Variants in NXPH1 observed in about 807,000 individuals in gnomAD.
NXPH1 encodes neurexophilin-1.
A neutral mutation model predicts 23.7 loss-of-function variants in NXPH1; 5 were observed. The ratio of observed to expected loss-of-function variants is 0.21; its 90% confidence interval spans 0.11 to 0.44. The LOEUF (loss-of-function observed/expected upper bound fraction) is 0.44, where lower values mean the gene tolerates loss of function less well. NXPH1 is among the 20% of genes least tolerant of loss of function. The pLI, the probability that NXPH1 is intolerant of heterozygous loss-of-function variation, is 0.99. For synonymous variants in NXPH1, 144 were observed against 122.2 expected, an observed-to-expected ratio of 1.18 and a Z score of -1.18; for missense variants, 324 against 321.6, an observed-to-expected ratio of 1.01 and a Z score of -0.06.
At position 8,512,147 on chromosome 7, in the gene NXPH1, C is replaced by T. The variant is rs187339785; in HGVS notation, c.54+76380C>T. 2.6e-4 allele frequency among the ~76,000 whole-genome samples: 39 copies of T among 152,222 alleles called. No individual in the cohort carries two copies. In the East Asian group the frequency reaches 7.2e-3, roughly 28 times the overall value. ...AACCAGAGGGATTGCTGTGGCTCCT[C>T]TCCAAATACAGCATTAAAAGGAAGC... On this transcript the variant is annotated intron_variant, in intron 2 of 2. Coordinates refer to ENST00000405863, the MANE Select transcript of NXPH1 (RefSeq NM_152745.3).
chr7:8,487,286 C>T (rs1817174242), intron 2 of NXPH1, among the ~76,000 whole-genome samples: 1 of 152,112 alleles, frequency 6.6e-6, no homozygotes, highest in African/African-American at 2.4e-5. Flanking sequence ...AACTAAATCA[C>T]AGGGGTGGGT....
intron 2 of NXPH1, among the ~76,000 whole-genome samples, chr7:8,546,558 G>A (rs1818200187): frequency 6.6e-6 from 1 of 151,416 alleles, no homozygotes; most frequent in African/African-American, 2.4e-5. Context: ...TAGGTCTGGA[G>A]TAGAGCTTGT....
intron 2 of NXPH1, among the ~76,000 whole-genome samples, chr7:8,569,301 A>G (rs1818604438): frequency 6.6e-6 from 1 of 151,936 alleles, no homozygotes; most frequent in Non-Finnish European, 1.5e-5. Context: ...AAAAGAAACA[A>G]TATACATAAC....
chr7:8,566,294 T>C (rs975517643), intron 2 of NXPH1, among the ~76,000 whole-genome samples: 8 of 151,856 alleles, frequency 5.3e-5, no homozygotes, highest in African/African-American at 1.9e-4. Flanking sequence ...ATGAAATTGT[T>C]CCAAAATTAA....
chr7:8,444,953 G>A (rs1232553037), intron 2 of NXPH1, among the ~76,000 whole-genome samples: 1 of 152,144 alleles, frequency 6.6e-6, no homozygotes, highest in Non-Finnish European at 1.5e-5. Flanking sequence ...GATTACCTGA[G>A]TGTCTTTGTT....
intron 2 of NXPH1, among the ~76,000 whole-genome samples, chr7:8,456,565 C>T (rs999196587): frequency 6.6e-6 from 1 of 152,080 alleles, no homozygotes; most frequent in South Asian, 2.1e-4. Context: ...CCAGGCCAGA[C>T]ATGACATATC....
intron 2 of NXPH1, among the ~76,000 whole-genome samples, chr7:8,730,206 C>G (rs955707405): frequency 4.0e-5 from 6 of 149,394 alleles, no homozygotes; most frequent in Non-Finnish European, 6.0e-5. Context: ...GATCTGCCTC[C>G]ATCCTTTTAT....
intron 2 of NXPH1, among the ~76,000 whole-genome samples, chr7:8,482,670 G>A (rs1817094347): frequency 6.6e-6 from 1 of 152,140 alleles, no homozygotes; most frequent in Admixed American, 6.6e-5. Flanking sequence ...CATGGTCATT[G>A]ACTTCTTTCT....
rs114072873 is a variant in NXPH1, at chr7:8,480,618, C to G, written c.54+44851C>G. ...TGGACTAAACCACTGCCCTAAGTGGCTTAGTCATGCCTTAACACTCCCTGA... is the reference window on the plus strand; with the variant it reads ...TGGACTAAACCACTGCCCTAAGTGGGTTAGTCATGCCTTAACACTCCCTGA... On this transcript the variant is annotated intron_variant, in intron 2 of 2. Transcript: ENST00000405863. 5.8e-3 allele frequency among the ~76,000 whole-genome samples: 877 copies of G among 152,278 alleles called. 9 individuals carry two copies. The highest frequency in any genetic ancestry group is 0.02 in the African/African-American group (850 of 41,574).
At chr7:8,529,936 T>C (rs1453371808) in intron 2 of NXPH1, among the ~76,000 whole-genome samples, 1 of 152,234 alleles carries the variant, frequency 6.6e-6, no homozygotes, top group Non-Finnish European at 1.5e-5. Context: ...ATGAAGATTA[T>C]GTTAATTATG....
intron 2 of NXPH1, among the ~76,000 whole-genome samples, chr7:8,531,056 G>A (rs1014993670): frequency 6.6e-6 from 1 of 152,110 alleles, no homozygotes; most frequent in Non-Finnish European, 1.5e-5. Context: ...TTTCATCTTT[G>A]CTCTGGCACT....
chr7:8,552,610 T>C (rs559784414), intron 2 of NXPH1, among the ~76,000 whole-genome samples: 28 of 151,682 alleles, frequency 1.8e-4, no homozygotes, highest in African/African-American at 6.7e-4. Flanking sequence ...TTGAACTGTT[T>C]TCACTCTAAA....
intron 2 of NXPH1, among the ~76,000 whole-genome samples, chr7:8,510,017 G>T (rs1817587880): frequency 6.6e-6 from 1 of 152,130 alleles, no homozygotes; most frequent in African/African-American, 2.4e-5. Flanking sequence ...CTGTTTCAAA[G>T]TCACTAGCTC....
intron 2 of NXPH1, among the ~76,000 whole-genome samples, chr7:8,685,007 T>A (rs1157384215): frequency 2.0e-5 from 3 of 152,246 alleles, no homozygotes; most frequent in East Asian, 1.9e-4. Context: ...CTGAGCGGAA[T>A]TAGAAGTAAG....
chr7:8,742,671 G>C (rs551801963), intron 2 of NXPH1, among the ~76,000 whole-genome samples: 3 of 151,866 alleles, frequency 2.0e-5, no homozygotes, highest in African/African-American at 2.4e-5. Flanking sequence ...ACCAAAATTT[G>C]AACAGGTTTT....
intron 2 of NXPH1, among the ~76,000 whole-genome samples, chr7:8,462,232 A>T (rs1816707817): frequency 6.6e-6 from 1 of 152,182 alleles, no homozygotes; most frequent in Non-Finnish European, 1.5e-5. Flanking sequence ...TATTTTTAGT[A>T]GAGATGGGGT....
At chr7:8,592,464 T>C (rs562775313) in intron 2 of NXPH1, among the ~76,000 whole-genome samples, 1 of 152,154 alleles carries the variant, frequency 6.6e-6, no homozygotes, top group South Asian at 2.1e-4. Flanking sequence ...TTTTGTAGGC[T>C]TGTTTACTTT....
At chr7:8,509,979 A>G (rs1563331508) in intron 2 of NXPH1, among the ~76,000 whole-genome samples, 1 of 152,156 alleles carries the variant, frequency 6.6e-6, no homozygotes, top group Non-Finnish European at 1.5e-5. Flanking sequence ...TATAAATACT[A>G]CAGTGAAAGA....
At chr7:8,560,018 G>T (rs1299792131) in intron 2 of NXPH1, among the ~76,000 whole-genome samples, 2 of 151,588 alleles carry the variant, frequency 1.3e-5, no homozygotes, top group East Asian at 3.9e-4. Context: ...GCCGTCTTTA[G>T]GCATTATTTA....
Sources: gnomAD v4.1 joint callset for allele counts (sites outside exome capture counted in the v4.1 genomes callset) on GRCh38, gnomAD v4.1.1 for gene constraint, MANE v1.5 for transcripts, NCBI Gene and HGNC (gene_info 2026-07-23, HGNC 2026-07-21) for gene names.